PCSK5: variants seen among roughly 807,000 people sequenced by gnomAD.
PCSK5 encodes prohormone convertase 5.
In PCSK5, 129 loss-of-function variants were observed where a neutral mutation model predicts 233.2. The observed-to-expected ratio is 0.55, with a 90% CI of 0.48 to 0.64. PCSK5 has a LOEUF of 0.64. Among genes scored for constraint, PCSK5 ranks in the 30% least tolerant of loss-of-function variants. PCSK5 has a pLI of 0.00. For missense variants in PCSK5, 2,076 were observed against 2,430.1 expected (o/e 0.85, Z 3.06); for synonymous variants, 825 against 879.2 (o/e 0.94, Z 1.09).
At chr9:76,264,561 A>T (rs1261725034) in intron 24 of PCSK5, among the ~76,000 whole-genome samples, 1 of 152,192 alleles carries the variant, frequency 6.6e-6, no homozygotes, top group Non-Finnish European at 1.5e-5. Flanking sequence ...AAAGAACTTA[A>T]TTCAACAAGC....
At chr9:76,288,896 GC>G (rs1329734162) in intron 24 of PCSK5, among the ~76,000 whole-genome samples, 1 of 152,102 alleles carries the variant, frequency 6.6e-6, no homozygotes, top group African/African-American at 2.4e-5. Context: ...TCCCACTGTG[GC>G]CCTCATCCAT....
intron 20 of PCSK5, among the ~76,000 whole-genome samples, chr9:76,191,481 C>CACAACTCCCTACAAAGAATCTCAAAA (rs1363265701): frequency 6.6e-6 from 1 of 152,136 alleles, no homozygotes; most frequent in Non-Finnish European, 1.5e-5. Flanking sequence ...CTGGTTATTC[C>CACAACTCCCTACAAAGAATCTCAAAA]ACAACTCCCT....
chr9:76,296,875 C>T lies in PCSK5; in HGVS notation c.3523+10C>T, dbSNP rs188383758. On this transcript the variant is annotated intron_variant, in intron 27 of 37. Transcript: ENST00000674117. The stretch of plus-strand genomic sequence containing the variant: ...GGCAAATTCTGGAATGGTATGTGCC[C>T]CCCAAAAAAGAGGTCACAGGGGTCT... 4.4e-4 allele frequency: 697 copies of T among 1,584,406 alleles called. 4 individuals carry two copies. The African/African-American group carries it at 8.4e-3, about 19-fold the overall frequency.
intron 3 of PCSK5, among the ~76,000 whole-genome samples, chr9:76,013,897 A>G (rs1004109781): frequency 1.3e-5 from 2 of 151,878 alleles, no homozygotes; most frequent in African/African-American, 2.4e-5. Flanking sequence ...TTGACCCTGT[A>G]TGTCTCCAAC....
chr9:76,189,868 TTTTGGTGG>T, intron 20 of PCSK5, 122 bp downstream of exon 20: 1 of 586,972 alleles, frequency 1.7e-6, no homozygotes, highest in Non-Finnish European at 3.0e-6. Flanking sequence ...ATGCTCAATA[TTTTGGTGG>T]CATTCATTCA....
intron 1 of PCSK5, among the ~76,000 whole-genome samples, chr9:75,897,302 A>G (rs1825846613): frequency 6.6e-6 from 1 of 151,910 alleles, no homozygotes; most frequent in South Asian, 2.1e-4. Context: ...AAGAGGAATA[A>G]GTGTTGTGCC....
At chr9:76,239,496 A>G (rs561812365) in intron 23 of PCSK5, among the ~76,000 whole-genome samples, 10 of 152,188 alleles carry the variant, frequency 6.6e-5, no homozygotes, top group South Asian at 4.1e-4. Flanking sequence ...GGAGTTCGAG[A>G]CCAGCCTGGG....
chr9:76,237,576 T>C (rs958889902), intron 22 of PCSK5, among the ~76,000 whole-genome samples: 4 of 150,544 alleles, frequency 2.7e-5, no homozygotes, highest in African/African-American at 4.9e-5. Flanking sequence ...AAGACCAGCC[T>C]GGGCAACATG....
At chr9:76,272,097 T>C (rs1002593930) in intron 24 of PCSK5, among the ~76,000 whole-genome samples, 3 of 152,192 alleles carry the variant, frequency 2.0e-5, no homozygotes. Context: ...TGTTACTATG[T>C]ATACTATGTA....
chr9:76,045,677 C>A (rs1057337083), intron 5 of PCSK5, among the ~76,000 whole-genome samples: 1 of 152,188 alleles, frequency 6.6e-6, no homozygotes, highest in African/African-American at 2.4e-5. Flanking sequence ...CTCTTTTCTA[C>A]CCTTCACAAA....
At chr9:75,999,646 G>A (rs1336517128) in intron 3 of PCSK5, among the ~76,000 whole-genome samples, 1 of 152,238 alleles carries the variant, frequency 6.6e-6, no homozygotes, top group African/African-American at 2.4e-5. Context: ...CCCAGGTGTT[G>A]CTTGCCCTCA....
intron 24 of PCSK5, among the ~76,000 whole-genome samples, chr9:76,266,449 T>A (rs1222978196): frequency 6.6e-6 from 1 of 152,198 alleles, no homozygotes; most frequent in Non-Finnish European, 1.5e-5. Flanking sequence ...GTGTGCCTAT[T>A]TAATTCCCAT....
intron 36 of PCSK5, among the ~76,000 whole-genome samples, chr9:76,351,782 G>A (rs1378134577): frequency 6.0e-5 from 9 of 151,170 alleles, no homozygotes; most frequent in Non-Finnish European, 8.8e-5. Flanking sequence ...CTGTCACCCA[G>A]GCTGGAGTGC....
intron 3 of PCSK5, among the ~76,000 whole-genome samples, chr9:75,989,495 T>A (rs1300369825): frequency 8.3e-5 from 12 of 145,430 alleles, no homozygotes; most frequent in South Asian, 2.2e-4. Flanking sequence ...CCCCCTCAAA[T>A]AAAAAAAAAA....
In PCSK5 at chr9:76,323,168, G is replaced by A; in HGVS notation, c.4219G>A (p.Gly1407Ser). ...PCHKDCLECS[G>S]PKADDCELCL... ...CCATAAAGACTGTCTGGAGTGCAGTGGCCCCAAAGCCGACGACTGCGAGCT... is the reference window on the plus strand; with the variant it reads ...CCATAAAGACTGTCTGGAGTGCAGTAGCCCCAAAGCCGACGACTGCGAGCT... Residue 1407 changes from glycine (G) to serine (S), a missense_variant, in exon 32 of 38, where the codon GGC (glycine) becomes AGC (serine). Transcript: ENST00000674117. The A allele has an allele frequency of 2.5e-6, 4 of 1,612,518 alleles. No homozygotes were observed. Among genetic ancestry groups the A allele is most frequent in the Non-Finnish European group, 3.4e-6 (4 of 1,179,612 alleles).
At chr9:75,992,744 G>T (rs917905969) in intron 3 of PCSK5, among the ~76,000 whole-genome samples, 2 of 152,086 alleles carry the variant, frequency 1.3e-5, no homozygotes, top group Non-Finnish European at 2.9e-5. Flanking sequence ...TGAATATTGT[G>T]TGGCCTATTT....
chr9:76,004,648 T>C (rs569053055), intron 3 of PCSK5, among the ~76,000 whole-genome samples: 1 of 152,308 alleles, frequency 6.6e-6, no homozygotes, highest in South Asian at 2.1e-4. Context: ...AAAAATATCA[T>C]TATTAACTCA....
At chr9:76,153,968 C>G (rs1003089302) in intron 10 of PCSK5, among the ~76,000 whole-genome samples, 3 of 152,178 alleles carry the variant, frequency 2.0e-5, no homozygotes, top group African/African-American at 7.2e-5. Flanking sequence ...CAATGTTTCT[C>G]TCTTTACAGG....
intron 1 of PCSK5, among the ~76,000 whole-genome samples, chr9:75,894,937 T>C (rs1043587278): frequency 6.6e-6 from 1 of 152,190 alleles, no homozygotes; most frequent in Non-Finnish European, 1.5e-5. Context: ...TAATGTCTGG[T>C]TATTTGAATT....
Sources: gnomAD v4.1 joint callset for allele counts (sites outside exome capture counted in the v4.1 genomes callset) on GRCh38, gnomAD v4.1.1 for gene constraint, MANE v1.5 for transcripts, NCBI Gene and HGNC (gene_info 2026-07-23, HGNC 2026-07-21) for gene names.